FAM20A: variants seen among roughly 807,000 people sequenced by gnomAD.
FAM20A encodes FAM20A golgi associated secretory pathway pseudokinase.
FAM20A carries 42 observed loss-of-function variants against 52.0 expected under a neutral mutation model. The ratio of observed to expected loss-of-function variants is 0.81; its 90% CI spans 0.63 to 1.04. The LOEUF is 1.04. Among genes scored for constraint, FAM20A ranks in the 50% least tolerant of loss-of-function variants. The probability of loss-of-function intolerance (pLI) is 0.00; values close to 1 mark genes in which losing one functional copy is unlikely to be tolerated. For missense variants in FAM20A, 742 were observed against 712.7 expected (o/e 1.04, Z -0.47); for synonymous variants, 304 against 298.9 (o/e 1.02, Z -0.18).
intron 1 of FAM20A, among the ~76,000 whole-genome samples, chr17:68,583,807 G>C (rs2088085757): frequency 6.6e-6 from 1 of 152,096 alleles, no homozygotes; most frequent in Non-Finnish European, 1.5e-5. Context: ...GGAGGCTGAG[G>C]CAGGAGAATG....
At chr17:68,575,791 TACACACACACACACAC>T (rs761949775) in intron 1 of FAM20A, among the ~76,000 whole-genome samples, 4 of 104,216 alleles carry the variant, frequency 3.8e-5, no homozygotes, top group East Asian at 2.8e-4. Context: ...TTTTATATTA[TACACACACACACACAC>T]ACACACACAC....
At position 68,536,081 on chromosome 17, in the gene FAM20A, G is replaced by T. The variant is rs1216557178; in HGVS notation, c.*1396C>A. 4.4e-6 allele frequency: 2 copies of T among 454,006 alleles called. No homozygotes were observed. The highest frequency in any genetic ancestry group is 1.6e-5 in the South Asian group (1 of 64,482). 28.1% of individuals were successfully genotyped at this position (454,006 alleles called of 1,614,324 possible). On this transcript the variant is annotated 3_prime_UTR_variant, in exon 11 of 11. Coordinates refer to ENST00000592554, the MANE Select transcript of FAM20A (RefSeq NM_017565.4). ...CAGTGAATGGTAGTGATTTTAGAGAGACACAAAGTCCAGGGGCAGCATACC... is the reference window on the plus strand; with the variant it reads ...CAGTGAATGGTAGTGATTTTAGAGATACACAAAGTCCAGGGGCAGCATACC...
intron 1 of FAM20A, among the ~76,000 whole-genome samples, chr17:68,576,274 A>G (rs943604209): frequency 1.3e-5 from 2 of 152,160 alleles, no homozygotes; most frequent in Non-Finnish European, 2.9e-5. Context: ...AAGACTTCAC[A>G]TGTGCTGGCT....
intron 4 of FAM20A, among the ~76,000 whole-genome samples, chr17:68,546,829 C>CA (rs35112614): frequency 0.17 from 14,457 of 83,820 alleles, 1,216 homozygotes; most frequent in South Asian, 0.22. Context: ...GACTACGGCT[C>CA]AAAAAAAAAA....
rs149419083 is a variant in FAM20A at position 68,564,459 on chromosome 17, G to T, written c.405-8716C>A. 7.1e-4 allele frequency among the ~76,000 whole-genome samples: 108 copies of T among 152,306 alleles called. 1 individual carries two copies. Among genetic ancestry groups the T allele is most frequent in the African/African-American group, 2.5e-3 (104 of 41,576 alleles). On this transcript the variant is annotated intron_variant, in intron 1 of 10. Coordinates refer to ENST00000592554, the MANE Select transcript of FAM20A (RefSeq NM_017565.4). ...TAACCAGAAACAACCAGCTTTGCAA[G>T]CCACTGCAAAATCCCTTGGAACATC... is the stretch of plus-strand genomic sequence containing the variant.
intron 1 of FAM20A, among the ~76,000 whole-genome samples, chr17:68,563,206 T>C (rs1392721368): frequency 6.6e-6 from 1 of 151,684 alleles, no homozygotes; most frequent in Non-Finnish European, 1.5e-5. Context: ...GCCAACATGG[T>C]GAAATCCTGT....
intron 4 of FAM20A, among the ~76,000 whole-genome samples, chr17:68,545,043 CAAAGTT>C (rs907320176): frequency 1.1e-4 from 16 of 151,974 alleles, no homozygotes; most frequent in Admixed American, 8.5e-4. Flanking sequence ...GTATATTTTC[CAAAGTT>C]AAAGTTCTAC....
chr17:68,537,655 T>G lies in FAM20A; in HGVS notation c.1448A>C (p.Glu483Ala), dbSNP rs1555818127. ...LSDVMRESLL[E>A]DQLSPVLTEP... The stretch of plus-strand genomic sequence containing the variant: ...AGTGAGGACAGGGCTGAGCTGGTCT[T>G]CCAGCAGTGATTCTCGCATCACATC... Residue 483 changes from glutamate (E) to alanine (A), a missense_variant, in exon 11 of 11, where the codon GAA (glutamate) becomes GCA (alanine). Physicochemically the swap from Glu to Ala is moderately radical, Grantham distance 107. Transcript: ENST00000592554. This position sits in a 1 kb window ranked among gnomAD's most constrained non-coding sequence, Gnocchi z 4.2. The G allele has an allele frequency of 1.2e-6, 2 of 1,613,834 alleles. No individual in the cohort carries two copies. Among genetic ancestry groups the G allele is most frequent in the Non-Finnish European group, 1.7e-6 (2 of 1,179,924 alleles).
chr17:68,583,984 A>T (rs140353930), intron 1 of FAM20A, among the ~76,000 whole-genome samples: 49 of 152,222 alleles, frequency 3.2e-4, no homozygotes, highest in African/African-American at 1.2e-3. Flanking sequence ...TAGGGAATGC[A>T]AAATAGAGCC....
At chr17:68,539,696 G>A (rs1227814699) in intron 9 of FAM20A, among the ~76,000 whole-genome samples, 189 bp downstream of exon 9, 3 of 152,254 alleles carry the variant, frequency 2.0e-5, no homozygotes, top group African/African-American at 7.2e-5. Flanking sequence ...TCTCAGGCTG[G>A]AGGAGGATCA....
rs141393285 is a variant in FAM20A at position 68,557,179 on chromosome 17, G to A, written c.405-1436C>T. ...CACGCCACTGCACTCCAGCCTGGGC[G>A]ACAGAGCGAGACTCTGACTTTAAAA... is the stretch of plus-strand genomic sequence containing the variant. On this transcript the variant is annotated intron_variant, in intron 1 of 10. Coordinates refer to ENST00000592554, the MANE Select transcript of FAM20A (RefSeq NM_017565.4). Among the ~76,000 whole-genome samples the A allele has an allele frequency of 3.4e-3, 519 of 151,238 alleles. 3 individuals carry two copies. The highest frequency in any genetic ancestry group is 0.012 in the African/African-American group (486 of 41,164).
At chr17:68,543,843 G>C (rs1481270808) in intron 4 of FAM20A, 122 bp from the exon 5 acceptor site, 1 of 849,002 alleles carries the variant, frequency 1.2e-6, no homozygotes. Flanking sequence ...TGTACACACA[G>C]GCGATGGCAC....
chr17:68,599,955 G>GAGGGAC (rs2088564337), intron 1 of FAM20A, among the ~76,000 whole-genome samples: 1 of 152,158 alleles, frequency 6.6e-6, no homozygotes, highest in Admixed American at 6.5e-5. Flanking sequence ...GGGAGTGGAC[G>GAGGGAC]AGGGAGCAGG....
intron 1 of FAM20A, among the ~76,000 whole-genome samples, chr17:68,579,619 C>T (rs1039088399): frequency 1.6e-4 from 24 of 152,106 alleles, no homozygotes; most frequent in African/African-American, 4.6e-4. Flanking sequence ...ATCCTGAAAT[C>T]GGAGTGGCTT....
At chr17:68,571,983 CATACATATATATATATAT>C (rs1568761979) in intron 1 of FAM20A, among the ~76,000 whole-genome samples, 3 of 22,096 alleles carry the variant, frequency 1.4e-4, no homozygotes, top group African/African-American at 5.0e-4. Context: ...TGTGTATATA[CATACATATATATATATAT>C]ATATATATAT....
At chr17:68,582,885 C>T (rs1021393584) in intron 1 of FAM20A, among the ~76,000 whole-genome samples, 8 of 146,046 alleles carry the variant, frequency 5.5e-5, no homozygotes, top group African/African-American at 2.0e-4. Flanking sequence ...CCTCCGTCTC[C>T]CAGGTTCTGG....
intron 1 of FAM20A, among the ~76,000 whole-genome samples, chr17:68,562,612 C>T (rs1368375245): frequency 8.9e-6 from 1 of 112,830 alleles, no homozygotes; most frequent in East Asian, 2.7e-4. Flanking sequence ...CCTTTTCCAT[C>T]CCCCCCCCTT....
chr17:68,537,839 T>C lies in FAM20A; in HGVS notation c.1362-98A>G. The stretch of plus-strand genomic sequence containing the variant: ...CAAACAGCTGTTGTAGCTGATACTC[T>C]TGGCGCCTCTCCTTGTGTCTTCTCA... On this transcript the variant is annotated intron_variant, in intron 10 of 10. Coordinates refer to ENST00000592554, the MANE Select transcript of FAM20A (RefSeq NM_017565.4). The surrounding 1 kb of genome is among the most constrained non-coding windows in gnomAD (Gnocchi z 4.2). 1 of 1,326,162 alleles carries C rather than the reference T, an allele frequency of 7.5e-7. No individual in the cohort carries two copies. Among genetic ancestry groups the C allele is most frequent in the Non-Finnish European group, 1.1e-6 (1 of 952,056 alleles). 82.1% of individuals were successfully genotyped at this position (1,326,162 alleles called of 1,614,324 possible).
chr17:68,573,920 C>T (rs548776241), intron 1 of FAM20A, among the ~76,000 whole-genome samples: 72 of 152,040 alleles, frequency 4.7e-4, no homozygotes, highest in African/African-American at 1.5e-3. Context: ...TCAGGTGATC[C>T]GCCTGCCTCA....
Sources: gnomAD v4.1 joint callset for allele counts (sites outside exome capture counted in the v4.1 genomes callset) on GRCh38, gnomAD v4.1.1 for gene constraint, Gnocchi (gnomAD v3.1) non-coding constraint, MANE v1.5 for transcripts, NCBI Gene and HGNC (gene_info 2026-07-23, HGNC 2026-07-21) for gene names.